The following ST6GALNAC3 variants were observed in gnomAD, a reference collection of about 807,000 sequenced individuals.
The protein encoded by ST6GALNAC3 is ST6 N-acetylgalactosaminide alpha-2,6-sialyltransferase 3.
Under a neutral mutation model 32.7 loss-of-function variants are expected in ST6GALNAC3, and 25 were observed. The observed-to-expected ratio is 0.76, with a 90% confidence interval of 0.56 to 1.07. The LOEUF (loss-of-function observed/expected upper bound fraction) is 1.07. ST6GALNAC3 is among the 50% of genes least tolerant of loss of function. ST6GALNAC3 has a pLI of 0.00. For synonymous variants in ST6GALNAC3, 129 were observed against 133.1 expected, an observed-to-expected ratio of 0.97 and a Z score of 0.21; for missense variants, 355 against 382.4, an observed-to-expected ratio of 0.93 and a Z score of 0.60.
chr1:76,422,812 T>C (rs1194221801), intron 3 of ST6GALNAC3, among the ~76,000 whole-genome samples: 3 of 152,060 alleles, frequency 2.0e-5, no homozygotes, highest in Non-Finnish European at 4.4e-5. Context: ...GGCATATTGT[T>C]GCACGAACAT....
chr1:76,617,974 T>C (rs1648404889), intron 3 of ST6GALNAC3, among the ~76,000 whole-genome samples: 1 of 152,210 alleles, frequency 6.6e-6, no homozygotes, highest in Non-Finnish European at 1.5e-5. Context: ...ATGGCTGAAG[T>C]TCTAAAATGT....
intron 3 of ST6GALNAC3, among the ~76,000 whole-genome samples, chr1:76,573,483 C>A (rs1267046487): frequency 2.6e-5 from 4 of 152,048 alleles, no homozygotes; most frequent in Non-Finnish European, 5.9e-5. Context: ...ATACAGGCAA[C>A]CTGAGTGCTT....
At chr1:76,457,220 A>T (rs1388321785) in intron 3 of ST6GALNAC3, among the ~76,000 whole-genome samples, 1 of 152,116 alleles carries the variant, frequency 6.6e-6, no homozygotes, top group Non-Finnish European at 1.5e-5. Context: ...AAACAAATGG[A>T]AGAACATTCC....
rs571100122 is a variant in ST6GALNAC3 at position 76,303,136 on chromosome 1, G to A, written c.19-10669G>A. On this transcript the variant is annotated intron_variant, in intron 1 of 4. Coordinates refer to ENST00000328299, the MANE Select transcript of ST6GALNAC3 (RefSeq NM_152996.4). The stretch of plus-strand genomic sequence containing the variant: ...TTTCTGCAACCAATCAGAGGCTAAA[G>A]TGATGTTACAAAGTTACATTTCTAT... 2.2e-5 allele frequency among the ~76,000 whole-genome samples: 3 copies of A among 136,630 alleles called. No individual in the cohort carries two copies. In the South Asian group the frequency reaches 7.4e-4, roughly 34 times the overall value. The allele number at this position is 136,630 out of a possible 152,430, so 89.6% of individuals were successfully genotyped here.
At chr1:76,229,215 C>T (rs924621581) in intron 1 of ST6GALNAC3, among the ~76,000 whole-genome samples, 2 of 152,144 alleles carry the variant, frequency 1.3e-5, no homozygotes. Context: ...ATTGCAATCT[C>T]CAGTAACCAT....
At chr1:76,220,153 T>G (rs554617557) in intron 1 of ST6GALNAC3, among the ~76,000 whole-genome samples, 2 of 152,350 alleles carry the variant, frequency 1.3e-5, no homozygotes, top group South Asian at 4.1e-4. Flanking sequence ...TCTCACCTAA[T>G]ATGCTGGTAA....
chr1:76,112,604 G>T (rs1386418075), intron 1 of ST6GALNAC3, among the ~76,000 whole-genome samples: 2 of 151,278 alleles, frequency 1.3e-5, no homozygotes, highest in African/African-American at 4.9e-5. Context: ...GCGCGGAGGG[G>T]CTCCTCACTT....
At chr1:76,496,820 AT>A (rs1192049540) in intron 3 of ST6GALNAC3, among the ~76,000 whole-genome samples, 1 of 152,118 alleles carries the variant, frequency 6.6e-6, no homozygotes, top group Non-Finnish European at 1.5e-5. Flanking sequence ...CTATTTCCAT[AT>A]TCTTATCTGT....
At chr1:76,139,417 C>T (rs904414192) in intron 1 of ST6GALNAC3, among the ~76,000 whole-genome samples, 5 of 152,144 alleles carry the variant, frequency 3.3e-5, no homozygotes, top group Non-Finnish European at 4.4e-5. Context: ...TATAAACACA[C>T]ACACACACAG....
chr1:76,395,450 A>G (rs186817012), intron 2 of ST6GALNAC3, among the ~76,000 whole-genome samples: 15 of 152,308 alleles, frequency 9.8e-5, no homozygotes. Flanking sequence ...GTAGTTCTCA[A>G]AAAGAAAGCA....
chr1:76,566,555 C>T (rs988462975), intron 3 of ST6GALNAC3, among the ~76,000 whole-genome samples: 2 of 152,072 alleles, frequency 1.3e-5, no homozygotes, highest in South Asian at 4.1e-4. Context: ...GCCCTGCCCC[C>T]AAGACCCTTC....
At chr1:76,500,705 A>G (rs1338950881) in intron 3 of ST6GALNAC3, among the ~76,000 whole-genome samples, 2 of 152,200 alleles carry the variant, frequency 1.3e-5, no homozygotes, top group Non-Finnish European at 2.9e-5. Context: ...TTCAAAATTA[A>G]GTAATAAAGA....
intron 1 of ST6GALNAC3, among the ~76,000 whole-genome samples, chr1:76,083,952 T>C (rs144725779): frequency 6.6e-6 from 1 of 152,326 alleles, no homozygotes; most frequent in African/African-American, 2.4e-5. Context: ...TTCCAGTAGC[T>C]GAATGGAACA....
intron 1 of ST6GALNAC3, among the ~76,000 whole-genome samples, chr1:76,219,534 G>A (rs1010833544): frequency 9.9e-5 from 15 of 152,176 alleles, no homozygotes; most frequent in Admixed American, 9.8e-4. Flanking sequence ...GTCTGAGGGG[G>A]TCCTTGAGGC....
At chr1:76,364,863 T>C (rs1385336339) in intron 2 of ST6GALNAC3, among the ~76,000 whole-genome samples, 1 of 152,182 alleles carries the variant, frequency 6.6e-6, no homozygotes, top group Non-Finnish European at 1.5e-5. Flanking sequence ...AAGATATGCT[T>C]ATACACTATT....
intron 3 of ST6GALNAC3, among the ~76,000 whole-genome samples, chr1:76,437,385 C>T (rs1656212206): frequency 1.3e-5 from 2 of 152,032 alleles, no homozygotes; most frequent in Non-Finnish European, 2.9e-5. Flanking sequence ...GTCATTGCCT[C>T]TCAGCAGCCC....
At chr1:76,323,801 A>AT (rs909836387) in intron 2 of ST6GALNAC3, among the ~76,000 whole-genome samples, 31 of 152,146 alleles carry the variant, frequency 2.0e-4, no homozygotes, top group African/African-American at 7.0e-4. Flanking sequence ...AAATTTTAGA[A>AT]TTTTTTTAAA....
chr1:76,271,502 T>A (rs1335379234), intron 1 of ST6GALNAC3, among the ~76,000 whole-genome samples: 1 of 152,182 alleles, frequency 6.6e-6, no homozygotes, highest in Non-Finnish European at 1.5e-5. Context: ...CTATGCTTTA[T>A]TGGGACAAAA....
chr1:76,357,119 C>CTT (rs1553184091), intron 2 of ST6GALNAC3, among the ~76,000 whole-genome samples: 2 of 43,406 alleles, frequency 4.6e-5, no homozygotes, highest in African/African-American at 1.5e-4. Context: ...TTTCTTTTTT[C>CTT]TTTTCTTTTT....
Sources: gnomAD v4.1 joint callset for allele counts (sites outside exome capture counted in the v4.1 genomes callset) on GRCh38, gnomAD v4.1.1 for gene constraint, MANE v1.5 for transcripts, NCBI Gene and HGNC (gene_info 2026-07-23, HGNC 2026-07-21) for gene names.